DLGAP2: variants seen among roughly 807,000 people sequenced by gnomAD.
DLGAP2 encodes the protein disks large-associated protein 2.
In DLGAP2, 26 loss-of-function variants were observed where a neutral mutation model predicts 100.3. The ratio of observed to expected loss-of-function variants is 0.26; its 90% CI spans 0.19 to 0.36. DLGAP2 has a LOEUF of 0.36. DLGAP2 is among the 10% of genes least tolerant of loss of function. The pLI is 1.00. For missense variants in DLGAP2, 1,858 were observed against 1,453.2 expected, an observed-to-expected ratio of 1.28 and a Z score of -4.53; for synonymous variants, 886 against 630.1, an observed-to-expected ratio of 1.41 and a Z score of -6.08.
At chr8:1,407,604 TCA>T (rs1796603002) in intron 3 of DLGAP2, among the ~76,000 whole-genome samples, 13 of 88,632 alleles carry the variant, frequency 1.5e-4, no homozygotes, top group African/African-American at 4.2e-4. Context: ...CGCCACCTCC[TCA>T]TCCTCCAGAG....
chr8:1,211,203 G>A (rs546733355), intron 2 of DLGAP2, among the ~76,000 whole-genome samples: 8 of 152,288 alleles, frequency 5.3e-5, no homozygotes, highest in Middle Eastern at 3.4e-3. Context: ...ACCGACCTGC[G>A]GATCCTCCCC....
chr8:1,669,718 AC>A, intron 9 of DLGAP2, 24 bp from the exon 10 acceptor site: 1 of 780,888 alleles, frequency 1.3e-6, no homozygotes, highest in Non-Finnish European at 2.4e-6. Context: ...AGGTCTCCAC[AC>A]TGTGGCTTCA....
At chr8:1,052,548 A>G (rs1802750280) in intron 2 of DLGAP2, among the ~76,000 whole-genome samples, 1 of 152,100 alleles carries the variant, frequency 6.6e-6, no homozygotes, top group Non-Finnish European at 1.5e-5. Flanking sequence ...GAATCCTTTG[A>G]CGGGGACTCA....
At chr8:1,262,999 T>C (rs1799381997) in intron 3 of DLGAP2, among the ~76,000 whole-genome samples, 1 of 152,170 alleles carries the variant, frequency 6.6e-6, no homozygotes, top group African/African-American at 2.4e-5. Context: ...GCCGGGAGAA[T>C]GTATTTGAAA....
intron 2 of DLGAP2, among the ~76,000 whole-genome samples, chr8:1,004,086 G>C (rs147600848): frequency 6.6e-6 from 1 of 152,054 alleles, no homozygotes; most frequent in Non-Finnish European, 1.5e-5. Flanking sequence ...GATTGTTTCC[G>C]ATCTTTTGGC....
intron 2 of DLGAP2, among the ~76,000 whole-genome samples, chr8:1,159,306 C>T (rs1439663448): frequency 6.6e-6 from 1 of 152,180 alleles, no homozygotes; most frequent in Non-Finnish European, 1.5e-5. Flanking sequence ...TTTAAGGAAA[C>T]TTGTAATTAA....
chr8:881,666 A>ATGT, intron 1 of DLGAP2, among the ~76,000 whole-genome samples: 22 of 130,952 alleles, frequency 1.7e-4, no homozygotes, highest in Non-Finnish European at 1.9e-4. Flanking sequence ...CTTGTGGCTG[A>ATGT]ACACACACAC....
At chr8:1,063,072 A>C (rs1380171675) in intron 2 of DLGAP2, among the ~76,000 whole-genome samples, 1 of 152,206 alleles carries the variant, frequency 6.6e-6, no homozygotes, top group Non-Finnish European at 1.5e-5. Context: ...GCCTGTGGAA[A>C]CGGCTTCCTT....
At chr8:1,619,049 G>C (rs953208684) in intron 6 of DLGAP2, among the ~76,000 whole-genome samples, 1 of 152,118 alleles carries the variant, frequency 6.6e-6, no homozygotes, top group Non-Finnish European at 1.5e-5. Flanking sequence ...TTCATTAAAA[G>C]ACACAACTAA....
At chr8:1,319,939 A>G (rs947539401) in intron 3 of DLGAP2, among the ~76,000 whole-genome samples, 5 of 152,166 alleles carry the variant, frequency 3.3e-5, no homozygotes, top group African/African-American at 1.2e-4. Flanking sequence ...AGAATGTGCC[A>G]GGACTTAGCT....
At chr8:806,311 C>G (rs368356251) in intron 1 of DLGAP2, among the ~76,000 whole-genome samples, 2 of 152,344 alleles carry the variant, frequency 1.3e-5, no homozygotes, top group African/African-American at 4.8e-5. Flanking sequence ...TACAGCTCTT[C>G]TCTCTGGAGG....
At chr8:1,651,946 G>A (rs1016091324) in intron 8 of DLGAP2, among the ~76,000 whole-genome samples, 15 of 152,192 alleles carry the variant, frequency 9.9e-5, no homozygotes, top group Admixed American at 8.5e-4. Flanking sequence ...TCAGAGCCTC[G>A]TCAGAGCCGG....
chr8:893,840 G>A (rs749664696), intron 1 of DLGAP2, among the ~76,000 whole-genome samples: 1 of 152,246 alleles, frequency 6.6e-6, no homozygotes, highest in Non-Finnish European at 1.5e-5. Flanking sequence ...CCAGCAGCAT[G>A]GGGCCCGAGC....
chr8:1,494,563 T>C (rs1174930751), intron 3 of DLGAP2, among the ~76,000 whole-genome samples: 2 of 152,144 alleles, frequency 1.3e-5, no homozygotes, highest in African/African-American at 4.8e-5. Flanking sequence ...ACCCCGTCTC[T>C]ACTAAAAATA....
At chr8:1,456,643 G>C (rs1047662535) in intron 3 of DLGAP2, among the ~76,000 whole-genome samples, 1 of 151,874 alleles carries the variant, frequency 6.6e-6, no homozygotes, top group Non-Finnish European at 1.5e-5. Flanking sequence ...AACACAAATT[G>C]CATCATTAGA....
intron 3 of DLGAP2, among the ~76,000 whole-genome samples, chr8:1,467,689 G>A (rs1471072734): frequency 1.3e-5 from 2 of 152,110 alleles, no homozygotes; most frequent in African/African-American, 2.4e-5. Flanking sequence ...CCACGGCAAC[G>A]TCCCATCACT....
chr8:1,208,870 A>AAATC (rs1798048989), intron 2 of DLGAP2, among the ~76,000 whole-genome samples: 1 of 72,550 alleles, frequency 1.4e-5, no homozygotes, highest in African/African-American at 5.1e-5. Flanking sequence ...CTGCAAAAAT[A>AAATC]AATAAATAAA....
At chr8:1,214,607 A>C (rs1242668256) in intron 2 of DLGAP2, among the ~76,000 whole-genome samples, 1 of 152,168 alleles carries the variant, frequency 6.6e-6, no homozygotes. Flanking sequence ...TCTTTCAATT[A>C]ATTGATCATG....
chr8:979,493 G>A (rs755240362), intron 2 of DLGAP2, among the ~76,000 whole-genome samples: 9 of 152,242 alleles, frequency 5.9e-5, no homozygotes, highest in Non-Finnish European at 1.0e-4. Context: ...GGAGAGACAG[G>A]AGACATGGTA....
Sources: gnomAD v4.1 joint callset for allele counts (sites outside exome capture counted in the v4.1 genomes callset) on GRCh38, gnomAD v4.1.1 for gene constraint, MANE v1.5 for transcripts, NCBI Gene and HGNC (gene_info 2026-07-23, HGNC 2026-07-21) for gene names.